ANKRD53: variants seen among roughly 807,000 people sequenced by gnomAD.
ANKRD53 encodes the protein ankyrin repeat domain 53, also known as ankyrin repeat domain-containing protein 53.
ANKRD53 carries 27 observed loss-of-function variants against 30.1 expected under a neutral mutation model. The ratio of observed to expected loss-of-function variants is 0.90; its 90% confidence interval spans 0.66 to 1.24. The LOEUF is 1.24. Ranked by LOEUF, ANKRD53 falls within the 50% of genes most tolerant of loss-of-function variation. The pLI is 0.00. For missense variants in ANKRD53, 682 were observed against 721.0 expected, an observed-to-expected ratio of 0.95 and a Z score of 0.62; for synonymous variants, 286 against 295.4, an observed-to-expected ratio of 0.97 and a Z score of 0.33.
intron 5 of ANKRD53, among the ~76,000 whole-genome samples, chr2:70,983,082 T>G (rs1553423977): frequency 6.6e-6 from 1 of 152,190 alleles, no homozygotes; most frequent in Non-Finnish European, 1.5e-5. Context: ...ATTCACTCTG[T>G]GCTAGGAACC....
intron 3 of ANKRD53, 42 bp from the exon 4 acceptor site, chr2:70,981,894 T>A (rs1553423655): frequency 6.7e-7 from 1 of 1,499,350 alleles, no homozygotes. Context: ...GCTCTTTGTC[T>A]TTCCTTTCTG....
Position 70,982,170 on chromosome 2 carries a change from T to G in ANKRD53, c.782+70T>G. The G allele has an allele frequency of 6.7e-7, 1 of 1,488,932 alleles. No homozygotes were observed. Among genetic ancestry groups the G allele is most frequent in the Non-Finnish European group, 9.0e-7 (1 of 1,109,596 alleles). The allele number at this position is 1,488,932 out of a possible 1,614,324, so 92.2% of individuals were successfully genotyped here. ...TCCCCCAGCCTTTTCCCTAGGGCCC[T>G]CACCACAGCTGAGCCTTTAAGGGGA... is the stretch of plus-strand genomic sequence containing the variant. On this transcript the variant is annotated intron_variant, in intron 4 of 5. Coordinates refer to ENST00000360589, the MANE Select transcript of ANKRD53 (RefSeq NM_001115116.2). This position sits in a 1 kb window ranked among gnomAD's most constrained non-coding sequence, Gnocchi z 4.2.
chr2:70,979,378 C>T (rs782696296), intron 2 of ANKRD53, 35 bp downstream of exon 2: 2 of 1,611,776 alleles, frequency 1.2e-6, no homozygotes, highest in East Asian at 4.5e-5. Context: ...AGACCGAGGT[C>T]CCTCTCCCGC....
At position 70,979,314 on chromosome 2, in the gene ANKRD53, A is replaced by G. The variant is rs1553423081; in HGVS notation, c.388A>G (p.Ser130Gly). ...ATGGCTGCGATTCTGTCTGAACCAG[A>G]GCCTCAGGGAAATCCCCACCGACGA... ...VEWLRFCLNQ[S>G]LREIPTDDKG... Residue 130 changes from serine to glycine, a missense_variant, in exon 2 of 6, where the codon AGC (serine) becomes GGC (glycine). By Grantham distance (56) the Ser-to-Gly change is moderately conservative (BLOSUM62 0). Transcript: ENST00000360589. 1.2e-6 allele frequency: 2 copies of G among 1,613,558 alleles called. No homozygotes were observed. Among genetic ancestry groups the G allele is most frequent in the Admixed American group, 3.3e-5 (2 of 60,024 alleles).
intron 5 of ANKRD53, among the ~76,000 whole-genome samples, chr2:70,983,565 C>A (rs1008699919): frequency 1.3e-5 from 2 of 152,182 alleles, no homozygotes; most frequent in Non-Finnish European, 2.9e-5. Flanking sequence ...TCCGGCACAC[C>A]GGGTCTGTTT....
intron 5 of ANKRD53, 28 bp from the exon 6 acceptor site, chr2:70,984,583 G>A: frequency 6.2e-7 from 1 of 1,607,274 alleles, no homozygotes; most frequent in South Asian, 1.1e-5. Flanking sequence ...AGTCCTCCAT[G>A]ACTCTCTTGT....
In ANKRD53 at chr2:70,979,127, C is replaced by T. The variant is rs1669918922; in HGVS notation, c.201C>T (p.Leu67=). The T allele has an allele frequency of 1.2e-6, 2 of 1,606,458 alleles. No homozygotes were observed. The part of the protein sequence containing the change: ...SQPLPDLADH[L]SAQATALARP... ...CCCTGCCCGACCTCGCAGACCACCT[C>T]AGTGCGCAGGCGACTGCCCTCGCCA... The change falls in exon 2 of 6, where the codon CTC becomes CTT. Residue 67 remains leucine, a synonymous_variant. Transcript: ENST00000360589.
rs781897587 is a variant in ANKRD53, at chr2:70,985,076, C to G, written c.1369C>G (p.Arg457Gly). Residue 457 changes from arginine (R) to glycine (G), a missense_variant, in exon 6 of 6, where the codon CGC (arginine) becomes GGC (glycine). Coordinates refer to ENST00000360589, the MANE Select transcript of ANKRD53 (RefSeq NM_001115116.2). The stretch of plus-strand genomic sequence containing the variant: ...GCGGCTGCCTTTTGAGGTGCTGCTG[C>G]GCATGCTGTACCCACGTGTATGGCC... Reference protein sequence around the residue: ...VPRLPFEVLLRMLYPRVWPYR... With the variant: ...VPRLPFEVLLGMLYPRVWPYR... 4 of 1,550,474 alleles carry G rather than the reference C, an allele frequency of 2.6e-6. No homozygotes were observed. Among genetic ancestry groups the G allele is most frequent in the Non-Finnish European group, 3.5e-6 (4 of 1,147,002 alleles).
Position 70,982,161 on chromosome 2 carries a change from C to G in ANKRD53, c.782+61C>G. 1 of 1,523,002 alleles carries G rather than the reference C, an allele frequency of 6.6e-7. No homozygotes were observed. The highest frequency in any genetic ancestry group is 1.3e-5 in the South Asian group (1 of 77,290). The allele number at this position is 1,523,002 out of a possible 1,614,324, so 94.3% of individuals were successfully genotyped here. A position where few individuals can be genotyped will look rare whatever the true frequency, so the allele number is the denominator to read the frequency against. ...CCCTTCCCCTCCCCCAGCCTTTTCC[C>G]TAGGGCCCTCACCACAGCTGAGCCT... On this transcript the variant is annotated intron_variant, in intron 4 of 5. Transcript: ENST00000360589. The surrounding 1 kb of genome is among the most constrained non-coding windows in gnomAD (Gnocchi z 4.2).
At chr2:70,979,053 C>T (rs1318953116) in intron 1 of ANKRD53, 44 bp from the exon 2 acceptor site, 3 of 1,517,478 alleles carry the variant, frequency 2.0e-6, no homozygotes, top group South Asian at 1.3e-5. Context: ...GAGAGGTGCC[C>T]GGGCCGTGGC....
chr2:70,979,564 G>C, intron 2 of ANKRD53, 97 bp from the exon 3 acceptor site: 2 of 1,429,596 alleles, frequency 1.4e-6, no homozygotes, highest in Non-Finnish European at 1.9e-6. Context: ...GGGACACAGG[G>C]AAGAAAGTGA....
rs1462975062 is a variant in ANKRD53 at position 70,978,945 on chromosome 2, G to A, written c.170+130G>A. ...GAGAAGCCAGCAGAGACAGGCTGGG[G>A]CCAGGGATCGCCTCCCGAGAGGTGC... On this transcript the variant is annotated intron_variant, in intron 1 of 5. Coordinates refer to ENST00000360589, the MANE Select transcript of ANKRD53 (RefSeq NM_001115116.2). This position sits in a 1 kb window ranked among gnomAD's most constrained non-coding sequence, Gnocchi z 4.3. The A allele has an allele frequency of 2.8e-6, 4 of 1,436,518 alleles. No individual in the cohort carries two copies. The African/African-American group carries it at 5.9e-5, about 21-fold the overall frequency. 89.0% of individuals were successfully genotyped at this position (1,436,518 alleles called of 1,614,324 possible).
In ANKRD53 at chr2:70,979,555, G is replaced by T. The variant is rs1669938198; in HGVS notation, c.418-106G>T. ...AGCAAAAGGGTGTGAGCATTCCTGG[G>T]GACACAGGGAAGAAAGTGAAGGTAA... is the stretch of plus-strand genomic sequence containing the variant. On this transcript the variant is annotated intron_variant, in intron 2 of 5. Coordinates refer to ENST00000360589, the MANE Select transcript of ANKRD53 (RefSeq NM_001115116.2). 5 of 1,416,372 alleles carry T rather than the reference G, an allele frequency of 3.5e-6. No individual in the cohort carries two copies. In the South Asian group the frequency reaches 6.9e-5, roughly 20 times the overall value. The allele number at this position is 1,416,372 out of a possible 1,614,324, so 87.7% of individuals were successfully genotyped here.
rs917788443 is a variant in ANKRD53 at position 70,984,667 on chromosome 2, G to A, written c.960G>A (p.Leu320=). ...AAIRKWLHGK[L]HPGHSLVSNT... ...TCAGAAAGTGGCTCCACGGCAAGCT[G>A]CACCCAGGCCACTCTCTGGTCTCCA... is the stretch of plus-strand genomic sequence containing the variant. Residue 320 remains leucine, a synonymous_variant, in exon 6 of 6, where the codon CTG becomes CTA. Transcript: ENST00000360589. The A allele has an allele frequency of 6.2e-7, 1 of 1,614,182 alleles. No homozygotes were observed. Among genetic ancestry groups the A allele is most frequent in the Non-Finnish European group, 8.5e-7 (1 of 1,180,022 alleles).
rs782193234 is a variant in ANKRD53 at position 70,982,688 on chromosome 2, T to C, written c.894T>C (p.Ile298=). The change falls in exon 5 of 6, where the codon ATT becomes ATC. Residue 298 remains isoleucine (I), a synonymous_variant. Transcript: ENST00000360589. This position sits in a 1 kb window ranked among gnomAD's most constrained non-coding sequence, Gnocchi z 4.2. ...QLTLMEHNYL[I]EYQKEHKILR... ...CCCTCATGGAGCACAACTACCTGATTGAGTATCAAGTAAGGGGGACAGCAG... is the reference window on the plus strand; with the variant it reads ...CCCTCATGGAGCACAACTACCTGATCGAGTATCAAGTAAGGGGGACAGCAG... 1.9e-6 allele frequency: 3 copies of C among 1,613,774 alleles called. No individual in the cohort carries two copies. The highest frequency in any genetic ancestry group is 1.7e-6 in the Non-Finnish European group (2 of 1,179,880).
At chr2:70,984,422 CCATCGGAA>C (rs781840298) in intron 5 of ANKRD53, 181 bp from the exon 6 acceptor site, 31 of 985,286 alleles carry the variant, frequency 3.1e-5, no homozygotes, top group Middle Eastern at 1.0e-3. Flanking sequence ...GTTGTCTCCC[CCATCGGAA>C]CACCGGCTCC....
chr2:70,983,697 T>C (rs1670079878), intron 5 of ANKRD53, among the ~76,000 whole-genome samples: 1 of 152,178 alleles, frequency 6.6e-6, no homozygotes, highest in South Asian at 2.1e-4. Context: ...TCTAACCTTT[T>C]CCAGAAGCTC....
intron 3 of ANKRD53, among the ~76,000 whole-genome samples, chr2:70,981,025 G>T (rs964858360): frequency 1.3e-5 from 2 of 152,218 alleles, no homozygotes; most frequent in Non-Finnish European, 2.9e-5. Flanking sequence ...TGTGACCTGG[G>T]CTTGGGAAGT....
chr2:70,980,318 C>CAAAAAA (rs35991485), intron 3 of ANKRD53, among the ~76,000 whole-genome samples: 1 of 76,208 alleles, frequency 1.3e-5, no homozygotes, highest in Non-Finnish European at 2.7e-5. Flanking sequence ...TCCGTCTCAA[C>CAAAAAA]AAAAAAAAAA....
Sources: gnomAD v4.1 joint callset for allele counts (sites outside exome capture counted in the v4.1 genomes callset) on GRCh38, gnomAD v4.1.1 for gene constraint, Gnocchi (gnomAD v3.1) non-coding constraint, MANE v1.5 for transcripts, NCBI Gene and HGNC (gene_info 2026-07-23, HGNC 2026-07-21) for gene names.